PFN1: variants seen among roughly 807,000 people sequenced by gnomAD.
PFN1 encodes the protein profilin-1.
Under a neutral mutation model 11.7 loss-of-function variants are expected in PFN1, and 2 were observed. The observed-to-expected ratio is 0.17, with a 90% CI of 0.07 to 0.54. The LOEUF is 0.54. PFN1 is among the 20% of genes least tolerant of loss of function. The probability of loss-of-function intolerance (pLI) is 0.94; values close to 1 mark genes in which losing one functional copy is unlikely to be tolerated. For missense variants in PFN1, 97 were observed against 188.4 expected, an observed-to-expected ratio of 0.51 and a Z score of 2.84; for synonymous variants, 78 against 76.2, an observed-to-expected ratio of 1.02 and a Z score of -0.12.
In PFN1 at chr17:4,948,470, C is replaced by A; in HGVS notation, c.-76G>T. ...GGCTCGAGCTGCCTCGGCTGGCGGG[C>A]GGGGGGAGGCGGAGAGCTCGGGGCA... On this transcript the variant is annotated 5_prime_UTR_variant, in exon 1 of 3. Coordinates refer to ENST00000225655, the MANE Select transcript of PFN1 (RefSeq NM_005022.4). 1 of 1,446,178 alleles carries A rather than the reference C, an allele frequency of 6.9e-7. No individual in the cohort carries two copies. The highest frequency in any genetic ancestry group is 9.1e-7 in the Non-Finnish European group (1 of 1,103,324). The allele number at this position is 1,446,178 out of a possible 1,614,324, so 89.6% of individuals were successfully genotyped here.
Position 4,946,583 on chromosome 17 carries a change from T to A in PFN1, c.325+45A>T, listed in dbSNP as rs200264388. ...CTCAAGATTACCAGAAGGCGGTACA[T>A]TAGAGATCTTGGAGCTAAAGGAAGG... On this transcript the variant is annotated intron_variant, in intron 2 of 2. Transcript: ENST00000225655. 1.1e-3 allele frequency: 1,603 copies of A among 1,488,704 alleles called. 2 individuals are homozygous for A. Among genetic ancestry groups the A allele is most frequent in the Non-Finnish European group, 1.4e-3 (1,497 of 1,091,904 alleles). The allele number at this position is 1,488,704 out of a possible 1,614,324, so 92.2% of individuals were successfully genotyped here.
In PFN1 at chr17:4,945,696, A is replaced by G. The variant is rs958422464; in HGVS notation, c.*204T>C. The G allele has an allele frequency of 4.2e-6, 2 of 476,858 alleles. No individual in the cohort carries two copies. The highest frequency in any genetic ancestry group is 7.6e-6 in the Non-Finnish European group (2 of 263,842). The allele number at this position is 476,858 out of a possible 1,614,324, so 29.5% of individuals were successfully genotyped here. A position where few individuals can be genotyped will look rare whatever the true frequency, so the allele number is the denominator to read the frequency against. ...TATTCAGAAAAAAAAAACCCCAAAA[A>G]ACAAAAGTTTTCCAACCACACACGG... On this transcript the variant is annotated 3_prime_UTR_variant, in exon 3 of 3. Coordinates refer to ENST00000225655, the MANE Select transcript of PFN1 (RefSeq NM_005022.4).
intron 1 of PFN1, 160 bp downstream of exon 1, chr17:4,948,103 G>A (rs1234914711): frequency 7.7e-6 from 6 of 777,266 alleles, no homozygotes; most frequent in South Asian, 2.1e-5. Flanking sequence ...GGGCAACTGA[G>A]GGACCCACTC....
At chr17:4,946,122 C>T in intron 2 of PFN1, 125 bp from the exon 3 acceptor site, 2 of 657,394 alleles carry the variant, frequency 3.0e-6, no homozygotes, top group South Asian at 1.8e-5. Context: ...CAACCCGCCC[C>T]CCCACCACAC....
At chr17:4,947,671 C>A (rs1422003025) in intron 1 of PFN1, among the ~76,000 whole-genome samples, 1 of 152,174 alleles carries the variant, frequency 6.6e-6, no homozygotes, top group East Asian at 1.9e-4. Context: ...GAAGGGAGGG[C>A]GAGGGGACTT....
rs776338580 is a variant in PFN1 at position 4,945,927 on chromosome 17, G to A, written c.396C>T (p.Ala132=). The A allele has an allele frequency of 1.2e-6, 2 of 1,610,828 alleles. No homozygotes were observed. The highest frequency in any genetic ancestry group is 2.2e-5 in the South Asian group (2 of 91,024). Residue 132 remains alanine, a synonymous_variant, in exon 3 of 3, where the codon GCC becomes GCT. Transcript: ENST00000225655. ...GLINKKCYEM[A]SHLRRSQY ...AGTACTGGGAACGCCGAAGGTGGGA[G>A]GCCATTTCATAACATTTCTTGTTGA...
intron 1 of PFN1, 46 bp from the exon 2 acceptor site, chr17:4,946,866 A>T: frequency 6.5e-7 from 1 of 1,544,220 alleles, no homozygotes; most frequent in Non-Finnish European, 8.8e-7. Flanking sequence ...GTGCACCAAG[A>T]TTCCCACCGT....
At chr17:4,946,104 A>C (rs1304006584) in intron 2 of PFN1, 107 bp from the exon 3 acceptor site, 8 of 750,242 alleles carry the variant, frequency 1.1e-5, no homozygotes, top group African/African-American at 1.7e-5. Flanking sequence ...ACCCAACCTC[A>C]TCTCTCCCAA....
At chr17:4,948,020 G>A (rs1320203444) in intron 1 of PFN1, 2 of 409,352 alleles carry the variant, frequency 4.9e-6, no homozygotes, top group African/African-American at 2.1e-5. Context: ...CCTGTGCCCC[G>A]GATGTAACGC....
rs542393726 is a variant in PFN1, at chr17:4,946,301, T to G, written c.326-304A>C. ...TGTGGATGTGCATGCCACCTCCAGG[T>G]TCTAACAAAAGAACTCAAACGATGA... On this transcript the variant is annotated intron_variant, in intron 2 of 2. Transcript: ENST00000225655. Among the ~76,000 whole-genome samples the G allele has an allele frequency of 3.3e-5, 5 of 152,254 alleles. No individual in the cohort carries two copies. The East Asian group carries it at 9.6e-4, about 29-fold the overall frequency.
chr17:4,947,716 G>C (rs1349770086), intron 1 of PFN1, among the ~76,000 whole-genome samples: 1 of 151,618 alleles, frequency 6.6e-6, no homozygotes, highest in South Asian at 2.1e-4. Context: ...TGAATCCAAC[G>C]TGCTGAGCTG....
At chr17:4,947,211 G>A (rs1452211944) in intron 1 of PFN1, 1 of 140,858 alleles carries the variant, frequency 7.1e-6, no homozygotes, top group Non-Finnish European at 1.6e-5. Context: ...GGGGGCGGGC[G>A]AGGCAAGAGA....
At position 4,948,511 on chromosome 17, in the gene PFN1, A is replaced by G; in HGVS notation, c.-117T>C. ...GCTCGGGGCACGCGCTGCCGTCCGG[A>G]CCGCGGCTCCGCTCGCTGTGCAGCA... On this transcript the variant is annotated 5_prime_UTR_variant, in exon 1 of 3. Coordinates refer to ENST00000225655, the MANE Select transcript of PFN1 (RefSeq NM_005022.4). The G allele has an allele frequency of 8.4e-7, 1 of 1,186,582 alleles. No homozygotes were observed. Among genetic ancestry groups the G allele is most frequent in the Non-Finnish European group, 1.1e-6 (1 of 900,538 alleles). 73.5% of individuals were successfully genotyped at this position (1,186,582 alleles called of 1,614,324 possible).
In PFN1 at chr17:4,945,744, T is replaced by G. The variant is rs11538691; in HGVS notation, c.*156A>C. 1 of 558,304 alleles carries G rather than the reference T, an allele frequency of 1.8e-6. No individual in the cohort carries two copies. Among genetic ancestry groups the G allele is most frequent in the South Asian group, 2.4e-5 (1 of 41,448 alleles). The allele number at this position is 558,304 out of a possible 1,614,324, so 34.6% of individuals were successfully genotyped here. The stretch of plus-strand genomic sequence containing the variant: ...CGGGAGGGATATGGGTAGGGGGAGG[T>G]GTCTGTCCATCCAGCCCTGGCCCCC... On this transcript the variant is annotated 3_prime_UTR_variant, in exon 3 of 3. Transcript: ENST00000225655.
chr17:4,947,815 C>T (rs893545926), intron 1 of PFN1, among the ~76,000 whole-genome samples: 5 of 152,306 alleles, frequency 3.3e-5, no homozygotes, highest in African/African-American at 1.2e-4. Flanking sequence ...AGACCACGCG[C>T]CTGGGGCTCC....
At position 4,946,506 on chromosome 17, in the gene PFN1, C is replaced by A. The variant is rs1971398757; in HGVS notation, c.325+122G>T. 3 of 725,536 alleles carry A rather than the reference C, an allele frequency of 4.1e-6. No homozygotes were observed. The South Asian group carries it at 5.5e-5, about 13-fold the overall frequency. 44.9% of individuals were successfully genotyped at this position (725,536 alleles called of 1,614,324 possible). On this transcript the variant is annotated intron_variant, in intron 2 of 2. Coordinates refer to ENST00000225655, the MANE Select transcript of PFN1 (RefSeq NM_005022.4). ...GTTCCAGCATCCAGCAGACAAGGAA[C>A]ACAATACTGGTCTGACTCCCTTCAT...
rs746908706 is a variant in PFN1 at position 4,948,493 on chromosome 17, G to A, written c.-99C>T. ...GGCGGGGGGAGGCGGAGAGCTCGGG[G>A]CACGCGCTGCCGTCCGGACCGCGGC... On this transcript the variant is annotated 5_prime_UTR_variant, in exon 1 of 3. Coordinates refer to ENST00000225655, the MANE Select transcript of PFN1 (RefSeq NM_005022.4). 12 of 1,334,366 alleles carry A rather than the reference G, an allele frequency of 9.0e-6. No homozygotes were observed. Among genetic ancestry groups the A allele is most frequent in the Non-Finnish European group, 1.2e-5 (12 of 1,022,506 alleles). The allele number at this position is 1,334,366 out of a possible 1,614,324, so 82.7% of individuals were successfully genotyped here.
rs764597778 is a variant in PFN1, at chr17:4,945,662, A to AATC, written c.*235_*237dup. On this transcript the variant is annotated 3_prime_UTR_variant, in exon 3 of 3. Transcript: ENST00000225655. The stretch of plus-strand genomic sequence containing the variant: ...AAATCACACAGCACCTTGTTAGTAG[A>AATC]ATCTTTTTTATTCAGAAAAAAAAAA... 9.4e-5 allele frequency: 40 copies of AATC among 427,418 alleles called. No individual in the cohort carries two copies. The highest frequency in any genetic ancestry group is 1.5e-4 in the Non-Finnish European group (35 of 235,996). 26.5% of individuals were successfully genotyped at this position (427,418 alleles called of 1,614,324 possible). A position where few individuals can be genotyped will look rare whatever the true frequency, so the allele number is the denominator to read the frequency against.
rs563647031 is a variant in PFN1, at chr17:4,945,688, C to A, written c.*212G>T. On this transcript the variant is annotated 3_prime_UTR_variant, in exon 3 of 3. Transcript: ENST00000225655. Reference sequence around the variant, plus strand: ...ATCTTTTTTATTCAGAAAAAAAAAACCCCAAAAAACAAAAGTTTTCCAACC... The same window carrying A: ...ATCTTTTTTATTCAGAAAAAAAAAAACCCAAAAAACAAAAGTTTTCCAACC... 8.5e-4 allele frequency: 378 copies of A among 444,628 alleles called. No homozygotes were observed. The highest frequency in any genetic ancestry group is 3.0e-3 in the African/African-American group (149 of 49,820). The allele number at this position is 444,628 out of a possible 1,614,324, so 27.5% of individuals were successfully genotyped here.
Sources: gnomAD v4.1 joint callset for allele counts (sites outside exome capture counted in the v4.1 genomes callset) on GRCh38, gnomAD v4.1.1 for gene constraint, MANE v1.5 for transcripts, NCBI Gene and HGNC (gene_info 2026-07-23, HGNC 2026-07-21) for gene names.